Variants in CNTLN observed in about 807,000 individuals in gnomAD.
The protein encoded by CNTLN is centlein, centrosomal protein.
Under a neutral mutation model 180.0 loss-of-function variants are expected in CNTLN, and 212 were observed. The ratio of observed to expected loss-of-function variants is 1.18; its 90% CI spans 1.05 to 1.32. The LOEUF is 1.32. Among genes scored for constraint, CNTLN ranks in the 40% most tolerant of loss-of-function variants. The pLI, the probability that CNTLN is intolerant of heterozygous loss-of-function variation, is 0.00. For synonymous variants in CNTLN, 722 were observed against 563.1 expected, an observed-to-expected ratio of 1.28 and a Z score of -3.99; for missense variants, 2,095 against 1,610.9, an observed-to-expected ratio of 1.30 and a Z score of -5.14.
intron 12 of CNTLN, among the ~76,000 whole-genome samples, chr9:17,346,737 C>G (rs1278059945): frequency 6.6e-6 from 1 of 152,094 alleles, no homozygotes; most frequent in African/African-American, 2.4e-5. Context: ...GTTTCTGTTT[C>G]TTGAATCCCT....
chr9:17,250,688 T>C (rs915923205), intron 5 of CNTLN, among the ~76,000 whole-genome samples: 1 of 152,096 alleles, frequency 6.6e-6, no homozygotes, highest in Non-Finnish European at 1.5e-5. Context: ...GTGTACTTAA[T>C]GTGTAAAAAG....
At position 17,277,279 on chromosome 9, in the gene CNTLN, A is replaced by G. The variant is rs1828371425; in HGVS notation, c.983+3413A>G. Among the ~76,000 whole-genome samples, 2 of 75,648 alleles carry G rather than the reference A, an allele frequency of 2.6e-5. 1 individual carries two copies. Among genetic ancestry groups the G allele is most frequent in the South Asian group, 1.2e-3 (2 of 1,680 alleles). 49.6% of individuals were successfully genotyped at this position (75,648 alleles called of 152,430 possible). The stretch of plus-strand genomic sequence containing the variant: ...TTGGTTTAGATGGGGTAGATGGGGT[A>G]GAACCATTACCTAATGGTTCTACAA... On this transcript the variant is annotated intron_variant, in intron 6 of 25. Transcript: ENST00000380647.
intron 15 of CNTLN, among the ~76,000 whole-genome samples, chr9:17,397,974 AT>A (rs1365604600): frequency 2.0e-5 from 3 of 152,050 alleles, no homozygotes; most frequent in Non-Finnish European, 4.4e-5. Context: ...TTTCTTTTAG[AT>A]TTTTATAGAC....
chr9:17,294,389 G>C (rs183395369), intron 6 of CNTLN, among the ~76,000 whole-genome samples: 1 of 149,938 alleles, frequency 6.7e-6, no homozygotes, highest in Non-Finnish European at 1.5e-5. Context: ...TGATTGGTGC[G>C]TTTACAATCC....
At chr9:17,352,809 A>G (rs1163472961) in intron 12 of CNTLN, among the ~76,000 whole-genome samples, 6 of 152,186 alleles carry the variant, frequency 3.9e-5, no homozygotes, top group Non-Finnish European at 8.8e-5. Context: ...GAATCATACA[A>G]TATGTGACCT....
intron 6 of CNTLN, among the ~76,000 whole-genome samples, chr9:17,290,166 G>T (rs997787560): frequency 6.6e-6 from 1 of 152,026 alleles, no homozygotes; most frequent in African/African-American, 2.4e-5. Context: ...TTTGATGATG[G>T]TGATGTACAG....
intron 2 of CNTLN, among the ~76,000 whole-genome samples, chr9:17,198,309 G>A (rs1822266606): frequency 6.6e-6 from 1 of 150,556 alleles, no homozygotes; most frequent in Non-Finnish European, 1.5e-5. Flanking sequence ...CATTGAATCT[G>A]TAGATGGCTT....
intron 5 of CNTLN, among the ~76,000 whole-genome samples, chr9:17,269,206 C>T (rs1183530138): frequency 1.3e-5 from 2 of 152,130 alleles, no homozygotes; most frequent in Non-Finnish European, 2.9e-5. Context: ...TTAAATATCT[C>T]TTCCAAATCC....
At chr9:17,308,250 C>G (rs1563981221) in intron 7 of CNTLN, among the ~76,000 whole-genome samples, 1 of 151,800 alleles carries the variant, frequency 6.6e-6, no homozygotes, top group South Asian at 2.1e-4. Context: ...TTATTTAATG[C>G]ATATTGCCTT....
chr9:17,246,673 G>C (rs1296707485), intron 5 of CNTLN, among the ~76,000 whole-genome samples: 1 of 152,154 alleles, frequency 6.6e-6, no homozygotes, highest in Non-Finnish European at 1.5e-5. Flanking sequence ...AAGCCATCCG[G>C]GAGTCAGGGC....
At position 17,259,490 on chromosome 9, in the gene CNTLN, A is replaced by C. The variant is rs139999405; in HGVS notation, c.850-14243A>C. Among the ~76,000 whole-genome samples the C allele has an allele frequency of 5.1e-3, 769 of 149,348 alleles. 33 individuals carry two copies. The highest frequency in any genetic ancestry group is 0.018 in the African/African-American group (716 of 39,258). On this transcript the variant is annotated intron_variant, in intron 5 of 25. Transcript: ENST00000380647. ...GGTATCAGAATGATGCTGGCCTCAT[A>C]AAATGAGTTTGGGAGGATTCCCTCT...
intron 10 of CNTLN, among the ~76,000 whole-genome samples, chr9:17,339,749 A>G (rs530320566): frequency 1.3e-5 from 2 of 152,354 alleles, no homozygotes; most frequent in Admixed American, 6.5e-5. Flanking sequence ...TTTGAGAAAC[A>G]CAGTTTATAG....
At chr9:17,279,720 T>G (rs1444173825) in intron 6 of CNTLN, among the ~76,000 whole-genome samples, 1 of 152,070 alleles carries the variant, frequency 6.6e-6, no homozygotes, top group Non-Finnish European at 1.5e-5. Flanking sequence ...GGGATAGTCC[T>G]AATTTAATCA....
At chr9:17,343,284 T>C (rs924263856) in intron 12 of CNTLN, among the ~76,000 whole-genome samples, 1 of 152,168 alleles carries the variant, frequency 6.6e-6, no homozygotes, top group African/African-American at 2.4e-5. Context: ...ATTTCTTCAT[T>C]TAGAGTTAAT....
At chr9:17,201,498 T>C (rs1822526019) in intron 2 of CNTLN, among the ~76,000 whole-genome samples, 1 of 152,228 alleles carries the variant, frequency 6.6e-6, no homozygotes. Context: ...TATTAATTGC[T>C]GCCTCAATTG....
intron 6 of CNTLN, among the ~76,000 whole-genome samples, chr9:17,281,030 T>G (rs1464026396): frequency 6.6e-6 from 1 of 152,176 alleles, no homozygotes; most frequent in East Asian, 1.9e-4. Flanking sequence ...CTAGGTGCTC[T>G]GTTTATAGCA....
At chr9:17,446,487 A>G (rs1830435690) in intron 18 of CNTLN, among the ~76,000 whole-genome samples, 1 of 152,184 alleles carries the variant, frequency 6.6e-6, no homozygotes, top group Non-Finnish European at 1.5e-5. Flanking sequence ...CAAAGTTGGT[A>G]ATATTTAATT....
chr9:17,180,948 G>A (rs111843822), intron 2 of CNTLN, among the ~76,000 whole-genome samples: 1,583 of 152,136 alleles, frequency 0.01, 26 homozygotes, highest in African/African-American at 0.036. Flanking sequence ...GGTAATAATG[G>A]TATTTCTGTG....
chr9:17,388,201 G>C lies in CNTLN; in HGVS notation c.2027G>C (p.Arg676Thr), dbSNP rs760569104. The change falls in exon 14 of 26, where the codon AGG (arginine) becomes ACG (threonine). Residue 676 changes from arginine to threonine, a missense_variant. By Grantham distance (71) the Arg-to-Thr change is moderately conservative. Transcript: ENST00000380647. ...FRSGEDDEVK[R>T]STPEKNGKEM... ...TCTGGTGAAGATGATGAGGTCAAGA[G>C]GAGTACTCCAGAGAAGAATGGAAAA... is the stretch of plus-strand genomic sequence containing the variant. 4.3e-6 allele frequency: 7 copies of C among 1,612,480 alleles called. No homozygotes were observed. In the East Asian group the frequency reaches 1.6e-4, roughly 36 times the overall value.
Sources: allele counts gnomAD v4.1 joint callset (sites outside exome capture counted in the v4.1 genomes callset), GRCh38; gene constraint gnomAD v4.1.1; transcripts MANE v1.5; gene names NCBI Gene and HGNC (gene_info 2026-07-23, HGNC 2026-07-21).